The following GTF2IRD1 variants were observed in gnomAD, a reference collection of about 807,000 sequenced individuals.
GTF2IRD1 encodes the protein GTF2I repeat domain containing 1.
A neutral mutation model predicts 113.2 loss-of-function variants in GTF2IRD1; 26 were observed. That is an observed-to-expected ratio of 0.23 (90% CI 0.17 to 0.32). GTF2IRD1 has a LOEUF of 0.32. Ranked by LOEUF, GTF2IRD1 falls within the 10% of genes least tolerant of loss-of-function variation. GTF2IRD1 has a pLI of 1.00. For synonymous variants in GTF2IRD1, 484 were observed against 529.1 expected, an observed-to-expected ratio of 0.91 and a Z score of 1.17; for missense variants, 864 against 1,280.8, an observed-to-expected ratio of 0.67 and a Z score of 4.97.
At chr7:74,515,214 C>A (rs1479046115) in intron 3 of GTF2IRD1, 2 of 779,442 alleles carry the variant, frequency 2.6e-6, no homozygotes, top group African/African-American at 3.4e-5. Context: ...TAGAGGTGAC[C>A]AGAGGTGAGG....
intron 25 of GTF2IRD1, 21 bp downstream of exon 25, chr7:74,595,072 C>G (rs1802323627): frequency 6.4e-7 from 1 of 1,571,314 alleles, no homozygotes; most frequent in Non-Finnish European, 8.7e-7. Context: ...GGTGAAGAAG[C>G]CACCCTTCTG....
chr7:74,545,639 A>T, intron 15 of GTF2IRD1, 105 bp from the exon 16 acceptor site: 2 of 612,642 alleles, frequency 3.3e-6, no homozygotes, highest in South Asian at 3.0e-5. Flanking sequence ...GCCTTCCCCC[A>T]TTCCAAGATC....
At chr7:74,546,595 G>T (rs782121558) in intron 16 of GTF2IRD1, among the ~76,000 whole-genome samples, 2 of 152,266 alleles carry the variant, frequency 1.3e-5, no homozygotes, top group South Asian at 4.1e-4. Flanking sequence ...GAGAACTGAG[G>T]CCTGGTAAAG....
At chr7:74,522,997 C>G (rs782203614) in intron 7 of GTF2IRD1, among the ~76,000 whole-genome samples, 4 of 152,170 alleles carry the variant, frequency 2.6e-5, no homozygotes, top group Non-Finnish European at 5.9e-5. Flanking sequence ...GGGAAGCCAA[C>G]AAGGCCAGTG....
chr7:74,579,066 A>G (rs1801254598), intron 22 of GTF2IRD1, among the ~76,000 whole-genome samples: 1 of 151,902 alleles, frequency 6.6e-6, no homozygotes, highest in African/African-American at 2.4e-5. Context: ...TCGCCCCTGT[A>G]ATCCCAACAC....
chr7:74,538,635 G>A (rs781818379), intron 12 of GTF2IRD1, 45 bp from the exon 13 acceptor site: 36 of 1,075,152 alleles, frequency 3.3e-5, no homozygotes, highest in Non-Finnish European at 3.6e-5. Context: ...CTGCCCAGTC[G>A]GGATCATGCC....
chr7:74,546,707 G>A (rs1298812118), intron 16 of GTF2IRD1, among the ~76,000 whole-genome samples: 4 of 152,130 alleles, frequency 2.6e-5, no homozygotes, highest in Non-Finnish European at 5.9e-5. Flanking sequence ...TGCTTATGGT[G>A]GCAGGAGGGA....
At chr7:74,535,196 C>T (rs782314268) in intron 10 of GTF2IRD1, 58 bp downstream of exon 10, 42 of 1,402,100 alleles carry the variant, frequency 3.0e-5, no homozygotes, top group Middle Eastern at 1.8e-4. Flanking sequence ...CCAACAGAAC[C>T]CGAGCTGCCA....
chr7:74,491,663 CT>C (rs1282874092), intron 1 of GTF2IRD1, among the ~76,000 whole-genome samples: 1 of 152,126 alleles, frequency 6.6e-6, no homozygotes, highest in Non-Finnish European at 1.5e-5. Flanking sequence ...TGATCTTGTT[CT>C]TTTTTGTGGC....
At chr7:74,500,443 A>G (rs1554339148) in intron 1 of GTF2IRD1, among the ~76,000 whole-genome samples, 2 of 151,902 alleles carry the variant, frequency 1.3e-5, no homozygotes, top group Non-Finnish European at 2.9e-5. Flanking sequence ...AAAAAAGAAA[A>G]AAAATTTGGT....
chr7:74,544,693 C>T lies in GTF2IRD1; in HGVS notation c.1619-62C>T, dbSNP rs200364600. On this transcript the variant is annotated intron_variant, in intron 14 of 26. Coordinates refer to ENST00000424337, the MANE Select transcript of GTF2IRD1 (RefSeq NM_005685.4). ...ATTCCCCAGCTATCTGGCCTGACGTCGGCAGTGCATGGCTTAGGAGATGAT... is the reference window on the plus strand; with the variant it reads ...ATTCCCCAGCTATCTGGCCTGACGTTGGCAGTGCATGGCTTAGGAGATGAT... 707 of 1,527,886 alleles carry T rather than the reference C, an allele frequency of 4.6e-4. 2 individuals carry two copies. Among genetic ancestry groups the T allele is most frequent in the Non-Finnish European group, 4.6e-4 (513 of 1,105,944 alleles). 94.6% of individuals were successfully genotyped at this position (1,527,886 alleles called of 1,614,324 possible).
At chr7:74,495,358 C>T (rs1463499324) in intron 1 of GTF2IRD1, among the ~76,000 whole-genome samples, 2 of 152,202 alleles carry the variant, frequency 1.3e-5, no homozygotes, top group Non-Finnish European at 2.9e-5. Context: ...GCGTTCTGCT[C>T]CACTCCTGCC....
chr7:74,512,687 G>A lies in GTF2IRD1; in HGVS notation c.124-143G>A, dbSNP rs1215667890. 8 of 695,224 alleles carry A rather than the reference G, an allele frequency of 1.2e-5. No individual in the cohort carries two copies. The African/African-American group carries it at 1.3e-4, about 11-fold the overall frequency. The allele number at this position is 695,224 out of a possible 1,614,324, so 43.1% of individuals were successfully genotyped here. A position where few individuals can be genotyped will look rare whatever the true frequency, so the allele number is the denominator to read the frequency against. On this transcript the variant is annotated intron_variant, in intron 2 of 26. Coordinates refer to ENST00000424337, the MANE Select transcript of GTF2IRD1 (RefSeq NM_005685.4). This position sits in a 1 kb window ranked among gnomAD's most constrained non-coding sequence, Gnocchi z 4.4. ...GTCCCACTACAGAATCTGAGACCAA[G>A]AACAGTAGAGGGGCCGTCTGTCCCT...
At chr7:74,494,761 A>AT (rs1196110904) in intron 1 of GTF2IRD1, among the ~76,000 whole-genome samples, 2 of 151,940 alleles carry the variant, frequency 1.3e-5, no homozygotes, top group Non-Finnish European at 2.9e-5. Context: ...TTATTTATTT[A>AT]TTTTTTAGAG....
Position 74,547,264 on chromosome 7 carries a change from A to G in GTF2IRD1, c.1894A>G (p.Ser632Gly), listed in dbSNP as rs1798998080. The change falls in exon 17 of 27, where the codon AGC (serine) becomes GGC (glycine). Residue 632 changes from serine to glycine, a missense_variant. Physicochemically the swap from Ser to Gly is moderately conservative, Grantham distance 56. Transcript: ENST00000424337. ...KLRKILEASN[S>G]IQFVIKRPEL... ...CCGGAAGATTCTGGAGGCCAGCAAC[A>G]GCATCCAGTTTGTCATCAAGAGGTA... 1 of 1,611,622 alleles carries G rather than the reference A, an allele frequency of 6.2e-7. No homozygotes were observed. The highest frequency in any genetic ancestry group is 1.3e-5 in the African/African-American group (1 of 75,024).
chr7:74,477,408 G>C (rs1348539244), intron 1 of GTF2IRD1, among the ~76,000 whole-genome samples: 1 of 151,614 alleles, frequency 6.6e-6, no homozygotes, highest in Non-Finnish European at 1.5e-5. Flanking sequence ...ATTTGGGGTG[G>C]GACGGGGCAG....
chr7:74,539,520 C>T (rs1228198731), intron 13 of GTF2IRD1, among the ~76,000 whole-genome samples: 1 of 151,812 alleles, frequency 6.6e-6, no homozygotes, highest in Admixed American at 6.6e-5. Context: ...GAGGCGGGCA[C>T]ATCACCTGAG....
Position 74,528,707 on chromosome 7 carries a change from G to GTGGATGGATGGA in GTF2IRD1, c.1091-988_1091-977dup, listed in dbSNP as rs58102974. On this transcript the variant is annotated intron_variant, in intron 8 of 26. Transcript: ENST00000424337. The stretch of plus-strand genomic sequence containing the variant: ...GAGGGAGGGAGGGAAGGAAAGATGG[G>GTGGATGGATGGA]TGGATGGATGGATGGATGGATGGAT... Among the ~76,000 whole-genome samples, 45 of 106,910 alleles carry GTGGATGGATGGA rather than the reference G, an allele frequency of 4.2e-4. 1 individual carries two copies. Among genetic ancestry groups the GTGGATGGATGGA allele is most frequent in the Middle Eastern group, 6.0e-3 (1 of 166 alleles). 70.1% of individuals were successfully genotyped at this position (106,910 alleles called of 152,430 possible).
intron 22 of GTF2IRD1, among the ~76,000 whole-genome samples, chr7:74,588,015 C>A (rs1158387948): frequency 1.3e-5 from 2 of 152,100 alleles, no homozygotes; most frequent in African/African-American, 4.8e-5. Flanking sequence ...GTGCATGGAC[C>A]CCACTAGGCC....
Sources: allele counts gnomAD v4.1 joint callset (sites outside exome capture counted in the v4.1 genomes callset), GRCh38; gene constraint gnomAD v4.1.1; non-coding constraint Gnocchi (gnomAD v3.1); transcripts MANE v1.5; gene names NCBI Gene and HGNC (gene_info 2026-07-23, HGNC 2026-07-21).